Variants in NUDCD3 observed in about 807,000 individuals in gnomAD.
NUDCD3 encodes the protein nudC domain-containing protein 3.
A neutral mutation model predicts 39.7 loss-of-function variants in NUDCD3; 13 were observed. The observed-to-expected ratio is 0.33, with a 90% CI of 0.21 to 0.52. NUDCD3 has a LOEUF of 0.52. Among genes scored for constraint, NUDCD3 ranks in the 20% least tolerant of loss-of-function variants. The probability of loss-of-function intolerance (pLI) is 0.96; values close to 1 mark genes in which losing one functional copy is unlikely to be tolerated. For missense variants in NUDCD3, 453 were observed against 458.1 expected (o/e 0.99, Z 0.10); for synonymous variants, 175 against 172.4 (o/e 1.02, Z -0.12).
chr7:44,399,083 G>A (rs561731288), intron 4 of NUDCD3, among the ~76,000 whole-genome samples: 61 of 152,308 alleles, frequency 4.0e-4, no homozygotes, highest in South Asian at 6.2e-4. Flanking sequence ...GGATGGGGCC[G>A]ACAAAGCAAT....
chr7:44,454,923 G>T (rs1799864362), intron 2 of NUDCD3, among the ~76,000 whole-genome samples: 1 of 150,366 alleles, frequency 6.7e-6, no homozygotes, highest in Non-Finnish European at 1.5e-5. Flanking sequence ...GACAGAACAG[G>T]ACCCTGTCTC....
chr7:44,468,360 A>G, intron 2 of NUDCD3: 4 of 1,318,926 alleles, frequency 3.0e-6, no homozygotes, highest in East Asian at 4.7e-5. Flanking sequence ...AAAAAAAAAA[A>G]AAAAAAAAAA....
intron 5 of NUDCD3, among the ~76,000 whole-genome samples, chr7:44,389,496 G>C (rs1025884511): frequency 6.6e-6 from 1 of 152,182 alleles, no homozygotes; most frequent in Non-Finnish European, 1.5e-5. Flanking sequence ...GGCTAACACG[G>C]TGAAACCCCG....
intron 5 of NUDCD3, among the ~76,000 whole-genome samples, chr7:44,387,438 CAG>C (rs1798419625): frequency 6.6e-6 from 1 of 152,220 alleles, no homozygotes; most frequent in African/African-American, 2.4e-5. Flanking sequence ...CAACTCACAT[CAG>C]AGACTTTGGA....
intron 2 of NUDCD3, among the ~76,000 whole-genome samples, chr7:44,474,812 G>A (rs576776523): frequency 8.5e-5 from 13 of 152,128 alleles, no homozygotes; most frequent in African/African-American, 3.1e-4. Flanking sequence ...AAGTCAAATC[G>A]CTTGGAGGCT....
At position 44,427,555 on chromosome 7, in the gene NUDCD3, C is replaced by T. The variant is rs775070474; in HGVS notation, c.642+16G>A. On this transcript the variant is annotated intron_variant, in intron 3 of 5. Transcript: ENST00000355451. ...CTTGGGTGAAGCCGCCCACCCCTAC[C>T]CGCCAAGGCCATTACCTGCTTTCCC... The T allele has an allele frequency of 1.2e-6, 2 of 1,607,976 alleles. No individual in the cohort carries two copies. Among genetic ancestry groups the T allele is most frequent in the African/African-American group, 2.7e-5 (2 of 74,662 alleles).
chr7:44,382,168 T>C lies in NUDCD3; in HGVS notation c.*3843A>G, dbSNP rs940377760. ...CCCTCCCTCTGAGGTAAGACCAATC[T>C]GTTAAACTTTCAGTACTAAAAAATA... On this transcript the variant is annotated 3_prime_UTR_variant, in exon 6 of 6. Transcript: ENST00000355451. 1 of 152,108 alleles carries C rather than the reference T, an allele frequency of 6.6e-6. No individual in the cohort carries two copies. The highest frequency in any genetic ancestry group is 2.4e-5 in the African/African-American group (1 of 41,404). The allele number at this position is 152,108 out of a possible 1,614,324, so 9.4% of individuals were successfully genotyped here. A position where few individuals can be genotyped will look rare whatever the true frequency, so the allele number is the denominator to read the frequency against.
intron 2 of NUDCD3, among the ~76,000 whole-genome samples, chr7:44,450,534 G>GT (rs1420127836): frequency 6.6e-6 from 1 of 151,972 alleles, no homozygotes; most frequent in Non-Finnish European, 1.5e-5. Context: ...GCTCACACCT[G>GT]TAATCCTAGC....
At chr7:44,481,253 T>C (rs998843219) in intron 2 of NUDCD3, 4 of 152,190 alleles carry the variant, frequency 2.6e-5, no homozygotes, top group African/African-American at 4.8e-5. Context: ...AAGGGATAAG[T>C]GTATTTATTA....
chr7:44,460,226 C>T (rs1799980452), intron 2 of NUDCD3, among the ~76,000 whole-genome samples: 2 of 152,104 alleles, frequency 1.3e-5, no homozygotes, highest in Non-Finnish European at 2.9e-5. Context: ...TATCCAGACT[C>T]CCATCAATGA....
At chr7:44,386,196 G>T in intron 5 of NUDCD3, 75 bp from the exon 6 acceptor site, 2 of 1,511,034 alleles carry the variant, frequency 1.3e-6, no homozygotes, top group Non-Finnish European at 1.8e-6. Context: ...GACTCTGACT[G>T]CAGGTAGAGA....
intron 1 of NUDCD3, chr7:44,489,709 G>A (rs1800691816): frequency 1.8e-5 from 1 of 54,570 alleles, no homozygotes; most frequent in Non-Finnish European, 3.3e-5. Flanking sequence ...TACTTTCTGG[G>A]TTTTCTCTCT....
chr7:44,397,878 G>A (rs1798652025), intron 4 of NUDCD3, among the ~76,000 whole-genome samples: 1 of 152,228 alleles, frequency 6.6e-6, no homozygotes, highest in African/African-American at 2.4e-5. Context: ...AGTCCTTCCT[G>A]CATCTTGGGG....
intron 2 of NUDCD3, among the ~76,000 whole-genome samples, chr7:44,430,481 C>T (rs10225003): frequency 0.14 from 20,538 of 151,956 alleles, 1,716 homozygotes; most frequent in Non-Finnish European, 0.19. Flanking sequence ...GGAGACTTCT[C>T]TTCATTGACA....
intron 1 of NUDCD3, among the ~76,000 whole-genome samples, chr7:44,489,551 A>G (rs367997141): frequency 6.6e-6 from 1 of 152,248 alleles, no homozygotes; most frequent in East Asian, 1.9e-4. Context: ...GGTTTCTACA[A>G]ATAGGCTTAA....
Position 44,490,631 on chromosome 7 carries a change from A to G in NUDCD3, c.-31T>C, listed in dbSNP as rs1800723037. On this transcript the variant is annotated 5_prime_UTR_variant, in exon 1 of 6. Transcript: ENST00000355451. ...CTCCCGCCCTAGGTACGCTTCACAC[A>G]CACAGCGCCGCCTCAGACCTGCCGA... The G allele has an allele frequency of 6.4e-7, 1 of 1,567,706 alleles. No homozygotes were observed. Among genetic ancestry groups the G allele is most frequent in the Non-Finnish European group, 8.6e-7 (1 of 1,157,800 alleles).
intron 2 of NUDCD3, chr7:44,468,293 G>A (rs1212972268): frequency 1.3e-5 from 19 of 1,408,640 alleles, no homozygotes; most frequent in Non-Finnish European, 1.7e-5. Flanking sequence ...GCGCAGCGAA[G>A]AAAATGAGTA....
At chr7:44,465,929 A>G (rs1348689323) in intron 2 of NUDCD3, among the ~76,000 whole-genome samples, 1 of 152,250 alleles carries the variant, frequency 6.6e-6, no homozygotes, top group Non-Finnish European at 1.5e-5. Context: ...TCTAAATAAA[A>G]GCTAGAGCAG....
intron 2 of NUDCD3, among the ~76,000 whole-genome samples, chr7:44,467,602 AG>A (rs1364090984): frequency 6.6e-6 from 1 of 152,062 alleles, no homozygotes; most frequent in African/African-American, 2.4e-5. Context: ...GGCAGGGACG[AG>A]GCAAAAGACT....
Sources: gnomAD v4.1 joint callset for allele counts (sites outside exome capture counted in the v4.1 genomes callset) on GRCh38, gnomAD v4.1.1 for gene constraint, MANE v1.5 for transcripts, NCBI Gene and HGNC (gene_info 2026-07-23, HGNC 2026-07-21) for gene names.